The following CLASP2 variants were observed in gnomAD, a reference collection of about 807,000 sequenced individuals.
CLASP2 encodes cytoplasmic linker associated protein 2.
A neutral mutation model predicts 194.4 loss-of-function variants in CLASP2; 47 were observed. That is an observed-to-expected ratio of 0.24 (90% CI 0.19 to 0.31). The LOEUF (loss-of-function observed/expected upper bound fraction) is 0.31. CLASP2 is among the 10% of genes least tolerant of loss of function. CLASP2 has a pLI of 1.00. For synonymous variants in CLASP2, 619 were observed against 633.5 expected (o/e 0.98, Z 0.34); for missense variants, 1,445 against 1,823.6 (o/e 0.79, Z 3.78).
At chr3:33,687,477 T>C (rs1048629588) in intron 4 of CLASP2, among the ~76,000 whole-genome samples, 4 of 152,170 alleles carry the variant, frequency 2.6e-5, no homozygotes, top group Admixed American at 2.6e-4. Flanking sequence ...AAAATTGTGA[T>C]TTTTTTAGAC....
intron 34 of CLASP2, 91 bp from the exon 35 acceptor site, chr3:33,517,265 A>G: frequency 1.1e-6 from 1 of 930,666 alleles, no homozygotes; most frequent in East Asian, 2.8e-5. Flanking sequence ...AAACACAGAT[A>G]TAACCATCAT....
chr3:33,631,747 T>C (rs995797983), intron 9 of CLASP2, among the ~76,000 whole-genome samples: 4 of 151,000 alleles, frequency 2.6e-5, no homozygotes, highest in Admixed American at 6.6e-5. Context: ...AGCCAAAAAT[T>C]AGAAGCAAAC....
chr3:33,588,278 A>G (rs1038178480), intron 21 of CLASP2, among the ~76,000 whole-genome samples: 3 of 152,124 alleles, frequency 2.0e-5, no homozygotes, highest in African/African-American at 7.2e-5. Flanking sequence ...AGAGCCACCA[A>G]CGCTAATTAT....
At chr3:33,545,868 C>T (rs987715897) in intron 30 of CLASP2, among the ~76,000 whole-genome samples, 12 of 151,196 alleles carry the variant, frequency 7.9e-5, no homozygotes, top group Non-Finnish European at 1.3e-4. Flanking sequence ...AGAGATCATG[C>T]CACTGCACTC....
intron 6 of CLASP2, chr3:33,683,068 C>G (rs117162852): frequency 6.6e-6 from 1 of 152,130 alleles, no homozygotes; most frequent in African/African-American, 2.4e-5. Flanking sequence ...TTGTATGGTA[C>G]CTTTCAACAG....
chr3:33,596,685 G>C, intron 19 of CLASP2, 26 bp downstream of exon 19: 12 of 1,499,026 alleles, frequency 8.0e-6, no homozygotes, highest in Non-Finnish European at 9.9e-6. Context: ...AAAATCTTTA[G>C]TAGAATTAGG....
At chr3:33,549,901 A>G (rs888286232) in intron 30 of CLASP2, among the ~76,000 whole-genome samples, 2 of 150,712 alleles carry the variant, frequency 1.3e-5, no homozygotes, top group African/African-American at 2.4e-5. Flanking sequence ...AATGCACCCA[A>G]TTTTTTTTTA....
chr3:33,604,247 T>C (rs1322171293), intron 16 of CLASP2, 38 bp from the exon 17 acceptor site: 1 of 1,321,892 alleles, frequency 7.6e-7, no homozygotes, highest in South Asian at 1.3e-5. Context: ...AAGAAGACAA[T>C]TTAACACTCC....
Position 33,570,720 on chromosome 3 carries a change from A to C in CLASP2, c.2763+7T>G, listed in dbSNP as rs944549584. 2 of 1,590,368 alleles carry C rather than the reference A, an allele frequency of 1.3e-6. No individual in the cohort carries two copies. The highest frequency in any genetic ancestry group is 2.7e-5 in the African/African-American group (2 of 74,190). On this transcript the variant is annotated splice_region_variant and intron_variant, in intron 26 of 38. Transcript: ENST00000682230. ...AGAAATAAATAATCTTAAATACTAA[A>C]ACATACCTTGCCATGAGGGTCAGCA...
intron 1 of CLASP2, among the ~76,000 whole-genome samples, chr3:33,698,506 A>G (rs1398949357): frequency 6.6e-6 from 1 of 152,198 alleles, no homozygotes; most frequent in Non-Finnish European, 1.5e-5. Context: ...ACAGCAGTCT[A>G]CCAGTGGGGA....
At chr3:33,645,480 C>A (rs946279898) in intron 7 of CLASP2, 5 of 610,980 alleles carry the variant, frequency 8.2e-6, no homozygotes, top group Admixed American at 5.6e-5. Flanking sequence ...CTCTTCCCTG[C>A]CCTAGGTGCT....
At position 33,560,919 on chromosome 3, in the gene CLASP2, T is replaced by C. The variant is rs761505252; in HGVS notation, c.2819A>G (p.Asp940Gly). ...TLVDFIQVHKDDLQDWLFVLL... is the reference protein window; with the variant it reads ...TLVDFIQVHKGDLQDWLFVLL... ...TACAAACAACCAATCTTGAAGATCA[T>C]CTTTGTGGACTTGTATGAAATCCAC... Residue 940 changes from aspartate to glycine, a missense_variant, in exon 28 of 39, where the codon GAT (aspartate) becomes GGT (glycine). Asp to Gly is a moderately conservative substitution (Grantham distance 94). Coordinates refer to ENST00000682230, the MANE Select transcript of CLASP2 (RefSeq NM_001365631.1). The C allele has an allele frequency of 1.2e-6, 2 of 1,613,930 alleles. No individual in the cohort carries two copies. Among genetic ancestry groups the C allele is most frequent in the Middle Eastern group, 1.6e-4 (1 of 6,062 alleles).
At chr3:33,550,488 TGCA>T (rs912608270) in intron 30 of CLASP2, among the ~76,000 whole-genome samples, 1 of 150,864 alleles carries the variant, frequency 6.6e-6, no homozygotes, top group African/African-American at 2.4e-5. Flanking sequence ...CAGACGTGTG[TGCA>T]GCAGGCCTGG....
At chr3:33,715,168 T>G (rs1456626516) in intron 1 of CLASP2, among the ~76,000 whole-genome samples, 1 of 152,220 alleles carries the variant, frequency 6.6e-6, no homozygotes, top group Non-Finnish European at 1.5e-5. Context: ...ATGTCACCTT[T>G]CTTGACCACC....
intron 1 of CLASP2, among the ~76,000 whole-genome samples, chr3:33,706,219 A>C (rs2092676283): frequency 6.6e-6 from 1 of 152,174 alleles, no homozygotes; most frequent in Admixed American, 6.6e-5. Flanking sequence ...CCGCACTCTA[A>C]CCTGGGCAAC....
rs1232746000 is a variant in CLASP2 at position 33,687,051 on chromosome 3, A to T, written c.546+9T>A. ...ATCAGTCAATGCTTGAATGTAAATA[A>T]AATTTTACCTGACTGTTGGAGTCTC... On this transcript the variant is annotated intron_variant, in intron 5 of 38. Coordinates refer to ENST00000682230, the MANE Select transcript of CLASP2 (RefSeq NM_001365631.1). The T allele has an allele frequency of 1.3e-6, 2 of 1,527,676 alleles. No individual in the cohort carries two copies. The highest frequency in any genetic ancestry group is 4.0e-5 in the Admixed American group (2 of 50,412). 94.6% of individuals were successfully genotyped at this position (1,527,676 alleles called of 1,614,324 possible).
intron 18 of CLASP2, 84 bp downstream of exon 18, chr3:33,602,868 T>C (rs2072667111): frequency 7.8e-7 from 1 of 1,278,068 alleles, no homozygotes; most frequent in Non-Finnish European, 1.1e-6. Flanking sequence ...CAAGAATGAA[T>C]AGAAATGATT....
intron 23 of CLASP2, among the ~76,000 whole-genome samples, chr3:33,579,750 T>C (rs776917975): frequency 6.6e-5 from 10 of 152,170 alleles, no homozygotes; most frequent in African/African-American, 2.4e-4. Context: ...ACTATTATTA[T>C]CCTTGTTTTA....
chr3:33,588,683 C>T (rs1355111133), intron 21 of CLASP2: 6 of 701,902 alleles, frequency 8.5e-6, no homozygotes, highest in East Asian at 8.1e-5. Context: ...CAGATGCACA[C>T]ATAAAGTCTA....
Sources: allele counts gnomAD v4.1 joint callset (sites outside exome capture counted in the v4.1 genomes callset), GRCh38; gene constraint gnomAD v4.1.1; transcripts MANE v1.5; gene names NCBI Gene and HGNC (gene_info 2026-07-23, HGNC 2026-07-21).